ZNF212: variants seen among roughly 807,000 people sequenced by gnomAD.
ZNF212 encodes Zinc finger protein C2H2-150.
A neutral mutation model predicts 47.3 loss-of-function variants in ZNF212; 32 were observed. The observed-to-expected ratio is 0.68, with a 90% CI of 0.51 to 0.91. The LOEUF (loss-of-function observed/expected upper bound fraction) is 0.91. Ranked by LOEUF, ZNF212 falls within the 40% of genes least tolerant of loss-of-function variation. The pLI is 0.00. For synonymous variants in ZNF212, 242 were observed against 253.8 expected (o/e 0.95, Z 0.44); for missense variants, 555 against 622.8 (o/e 0.89, Z 1.16).
In ZNF212 at chr7:149,254,112, G is replaced by A; in HGVS notation, c.1185G>A (p.Gly395=). The A allele has an allele frequency of 6.2e-7, 1 of 1,613,482 alleles. No individual in the cohort carries two copies. The highest frequency in any genetic ancestry group is 2.2e-5 in the East Asian group (1 of 44,862). ...ATCAGCGTTGCCACCTGCAGGAGGG[G>A]CCCAGTGCCGGCCAGCATGTCCAAG... is the stretch of plus-strand genomic sequence containing the variant. ...VTHQRCHLQE[G]PSAGQHVQER... is the part of the protein sequence containing the mutation. Residue 395 remains glycine, a synonymous_variant, in exon 5 of 5, where the codon GGG becomes GGA. Coordinates refer to ENST00000335870, the MANE Select transcript of ZNF212 (RefSeq NM_012256.4). This position sits in a 1 kb window ranked among gnomAD's most constrained non-coding sequence, Gnocchi z 4.5.
At chr7:149,247,444 G>A in intron 1 of ZNF212, among the ~76,000 whole-genome samples, 1 of 152,176 alleles carries the variant, frequency 6.6e-6, no homozygotes, top group East Asian at 1.9e-4. Context: ...TGTTAAACAT[G>A]TCAGTGATTT....
Position 149,253,512 on chromosome 7 carries a change from A to C in ZNF212, c.632-47A>C, listed in dbSNP as rs754441220. On this transcript the variant is annotated intron_variant, in intron 4 of 4. Coordinates refer to ENST00000335870, the MANE Select transcript of ZNF212 (RefSeq NM_012256.4). ...GTTTGTTTGGTCCTGAAGAAACCAA[A>C]GGTACTAGAATGTGATCTTTTTTGT... 9 of 1,547,184 alleles carry C rather than the reference A, an allele frequency of 5.8e-6. No homozygotes were observed. The African/African-American group carries it at 9.6e-5, about 17-fold the overall frequency.
intron 3 of ZNF212, among the ~76,000 whole-genome samples, chr7:149,252,202 G>A (rs367715389): frequency 6.6e-6 from 1 of 152,190 alleles, no homozygotes; most frequent in South Asian, 2.1e-4. Flanking sequence ...ACATGGAGGA[G>A]TGTCAAGTGC....
At chr7:149,239,961 G>A in intron 1 of ZNF212, 159 bp downstream of exon 1, 1 of 845,870 alleles carries the variant, frequency 1.2e-6, no homozygotes, top group Non-Finnish European at 1.6e-6. Flanking sequence ...CGACCCCAGT[G>A]CTCTGCCCTT....
chr7:149,247,895 C>G (rs1377682359), intron 1 of ZNF212, among the ~76,000 whole-genome samples: 1 of 152,168 alleles, frequency 6.6e-6, no homozygotes, highest in Non-Finnish European at 1.5e-5. Flanking sequence ...ATTCTGGTGG[C>G]TGGAAAGTTC....
intron 1 of ZNF212, among the ~76,000 whole-genome samples, chr7:149,244,804 G>A (rs1047336515): frequency 2.6e-5 from 4 of 152,168 alleles, no homozygotes; most frequent in Admixed American, 1.3e-4. Flanking sequence ...AACACTTCAT[G>A]CACCCTCTTC....
rs766503525 is a variant in ZNF212 at position 149,250,263 on chromosome 7, G to A, written c.129G>A (p.Thr43=). The A allele has an allele frequency of 2.5e-6, 4 of 1,612,870 alleles. No homozygotes were observed. Among genetic ancestry groups the A allele is most frequent in the East Asian group, 4.5e-5 (2 of 44,882 alleles). Residue 43 remains threonine, a synonymous_variant, in exon 2 of 5, where the codon ACG becomes ACA. Transcript: ENST00000335870. ...YFQTTEISLW[T]VVAAIQAVEK... ...AGACCACCGAGATTTCACTCTGGAC[G>A]GTGGTGGCCGCTATTCAGGCTGTGG...
chr7:149,252,109 A>G (rs1256155388), intron 3 of ZNF212, among the ~76,000 whole-genome samples: 1 of 152,196 alleles, frequency 6.6e-6, no homozygotes. Flanking sequence ...TGCTTAATAG[A>G]TATAAGTCTT....
At position 149,253,450 on chromosome 7, in the gene ZNF212, T is replaced by C; in HGVS notation, c.632-109T>C. ...GTCATCCTCCTCCACGTTATCCTAA[T>C]TCACTTATTCCTGGGGTGCTTCTGA... On this transcript the variant is annotated intron_variant, in intron 4 of 4. Coordinates refer to ENST00000335870, the MANE Select transcript of ZNF212 (RefSeq NM_012256.4). 2.2e-6 allele frequency: 3 copies of C among 1,374,486 alleles called. No individual in the cohort carries two copies. In the South Asian group the frequency reaches 4.4e-5, roughly 20 times the overall value. 85.1% of individuals were successfully genotyped at this position (1,374,486 alleles called of 1,614,324 possible). A position where few individuals can be genotyped will look rare whatever the true frequency, so the allele number is the denominator to read the frequency against.
At chr7:149,242,927 TTAATG>T (rs1796615365) in intron 1 of ZNF212, among the ~76,000 whole-genome samples, 1 of 151,658 alleles carries the variant, frequency 6.6e-6, no homozygotes, top group South Asian at 2.1e-4. Context: ...TAAGAAAAAA[TTAATG>T]TAAAAGAAGA....
rs1466471450 is a variant in ZNF212, at chr7:149,250,522, C to G, written c.388C>G (p.Pro130Ala). Residue 130 changes from proline (P) to alanine (A), a missense_variant, in exon 2 of 5, where the codon CCG becomes GCG. Transcript: ENST00000335870. ...GAACTTCTGGATCCTGCGGCTGCCCCCGGGCAGCAAGGGGGAGGCCCCCAA... is the reference window on the plus strand; with the variant it reads ...GAACTTCTGGATCCTGCGGCTGCCCGCGGGCAGCAAGGGGGAGGCCCCCAA... ...NRNFWILRLP[P>A]GSKGEAPKVS... is the part of the protein sequence containing the mutation. The G allele has an allele frequency of 1.4e-5, 23 of 1,613,180 alleles. No homozygotes were observed. The highest frequency in any genetic ancestry group is 1.9e-5 in the Non-Finnish European group (22 of 1,179,566).
chr7:149,252,636 C>G, intron 3 of ZNF212, 70 bp from the exon 4 acceptor site: 1 of 1,423,200 alleles, frequency 7.0e-7, no homozygotes, highest in Non-Finnish European at 9.9e-7. Context: ...ATCTTGGTCA[C>G]TGGCAGCTGA....
chr7:149,239,845 T>A, intron 1 of ZNF212, 43 bp downstream of exon 1: 14 of 1,266,864 alleles, frequency 1.1e-5, no homozygotes, highest in Non-Finnish European at 1.4e-5. Context: ...GCGTTGGGGA[T>A]GGCGGAGTCC....
At chr7:149,241,112 A>T (rs1319921706) in intron 1 of ZNF212, among the ~76,000 whole-genome samples, 2 of 152,200 alleles carry the variant, frequency 1.3e-5, no homozygotes, top group East Asian at 3.8e-4. Context: ...ACATGTCGTC[A>T]GTAGACCTTG....
chr7:149,254,561 G>T lies in ZNF212; in HGVS notation c.*146G>T. The stretch of plus-strand genomic sequence containing the variant: ...TCCCAGTACCAAGCCAAGCCCAAAG[G>T]CTGTCCTGAAAACCCTGTGGAAGAA... On this transcript the variant is annotated 3_prime_UTR_variant, in exon 5 of 5. Coordinates refer to ENST00000335870, the MANE Select transcript of ZNF212 (RefSeq NM_012256.4). This position sits in a 1 kb window ranked among gnomAD's most constrained non-coding sequence, Gnocchi z 4.5. 3.1e-6 allele frequency: 4 copies of T among 1,275,156 alleles called. No individual in the cohort carries two copies. The highest frequency in any genetic ancestry group is 4.2e-6 in the Non-Finnish European group (4 of 956,398). 79.0% of individuals were successfully genotyped at this position (1,275,156 alleles called of 1,614,324 possible).
chr7:149,246,294 A>G (rs1272359149), intron 1 of ZNF212, among the ~76,000 whole-genome samples: 1 of 152,256 alleles, frequency 6.6e-6, no homozygotes, highest in East Asian at 1.9e-4. Flanking sequence ...ATAGTTCAAC[A>G]AATTTTGACA....
intron 1 of ZNF212, among the ~76,000 whole-genome samples, chr7:149,248,396 G>A (rs1406556346): frequency 6.6e-6 from 1 of 152,108 alleles, no homozygotes; most frequent in African/African-American, 2.4e-5. Flanking sequence ...GAGGATTAGG[G>A]TTTTACTGTA....
At position 149,254,595 on chromosome 7, in the gene ZNF212, G is replaced by A; in HGVS notation, c.*180G>A. On this transcript the variant is annotated 3_prime_UTR_variant, in exon 5 of 5. Coordinates refer to ENST00000335870, the MANE Select transcript of ZNF212 (RefSeq NM_012256.4). The surrounding 1 kb of genome is among the most constrained non-coding windows in gnomAD (Gnocchi z 4.5). ...AAAACCCTGTGGAAGAAGAGTCCAG[G>A]CCAGGTCTTCATCCTGCTGCCAAGT... The A allele has an allele frequency of 1.1e-6, 1 of 946,712 alleles. No homozygotes were observed. Among genetic ancestry groups the A allele is most frequent in the Non-Finnish European group, 1.5e-6 (1 of 670,832 alleles). The allele number at this position is 946,712 out of a possible 1,614,324, so 58.6% of individuals were successfully genotyped here.
rs763295065 is a variant in ZNF212, at chr7:149,254,449, G to A, written c.*34G>A. The A allele has an allele frequency of 2.6e-6, 4 of 1,552,920 alleles. No individual in the cohort carries two copies. The highest frequency in any genetic ancestry group is 2.4e-5 in the South Asian group (2 of 82,438). ...CCCCTCGCCCGTCTGGGGGATGGAG[G>A]GGGGTGGCATTGGTTCCCCCGAAGA... is the stretch of plus-strand genomic sequence containing the variant. On this transcript the variant is annotated 3_prime_UTR_variant, in exon 5 of 5. Transcript: ENST00000335870. The surrounding 1 kb of genome is among the most constrained non-coding windows in gnomAD (Gnocchi z 4.5).
Sources: gnomAD v4.1 joint callset for allele counts (sites outside exome capture counted in the v4.1 genomes callset) on GRCh38, gnomAD v4.1.1 for gene constraint, Gnocchi (gnomAD v3.1) non-coding constraint, MANE v1.5 for transcripts, NCBI Gene and HGNC (gene_info 2026-07-23, HGNC 2026-07-21) for gene names.